NKD1: variants seen among roughly 807,000 people sequenced by gnomAD.
NKD1 encodes the protein NKD inhibitor of Wnt signaling pathway 1.
Under a neutral mutation model 56.0 loss-of-function variants are expected in NKD1, and 21 were observed. The ratio of observed to expected loss-of-function variants is 0.38; its 90% CI spans 0.27 to 0.54. The LOEUF is 0.54. NKD1 is among the 20% of genes least tolerant of loss of function. The pLI is 0.82. For synonymous variants in NKD1, 263 were observed against 265.7 expected (o/e 0.99, Z 0.10); for missense variants, 578 against 642.7 (o/e 0.90, Z 1.09).
In NKD1 at chr16:50,635,851, A is replaced by G. The variant is rs1836535254; in HGVS notation, c.*2070A>G. 2 of 152,224 alleles carry G rather than the reference A, an allele frequency of 1.3e-5. No homozygotes were observed. Among genetic ancestry groups the G allele is most frequent in the Non-Finnish European group, 2.9e-5 (2 of 68,054 alleles). The allele number at this position is 152,224 out of a possible 1,614,324, so 9.4% of individuals were successfully genotyped here. ...TTCTGTTCAGTGAGAACGCAACTCA[A>G]TCCAAAGTGAATGAAACCAAGTTGG... On this transcript the variant is annotated 3_prime_UTR_variant, in exon 10 of 10. Coordinates refer to ENST00000268459, the MANE Select transcript of NKD1 (RefSeq NM_033119.5). The surrounding 1 kb of genome is among the most constrained non-coding windows in gnomAD (Gnocchi z 4.1).
chr16:50,624,267 C>G (rs945336222), intron 5 of NKD1, among the ~76,000 whole-genome samples: 5 of 152,148 alleles, frequency 3.3e-5, no homozygotes, highest in African/African-American at 1.2e-4. Flanking sequence ...CAGCATGCTT[C>G]CTAGAACTGT....
At chr16:50,613,881 C>T (rs1961904693) in intron 4 of NKD1, among the ~76,000 whole-genome samples, 1 of 152,168 alleles carries the variant, frequency 6.6e-6, no homozygotes, top group African/African-American at 2.4e-5. Flanking sequence ...GTTCAGATGT[C>T]AAAGCCGAGT....
At chr16:50,607,785 G>C (rs140117663) in intron 3 of NKD1, 1 of 157,138 alleles carries the variant, frequency 6.4e-6, no homozygotes, top group Non-Finnish European at 1.4e-5. Context: ...AAGACAGTTT[G>C]ACAAGGTATG....
chr16:50,585,849 CTGTG>C (rs1017100955), intron 3 of NKD1, among the ~76,000 whole-genome samples: 1 of 152,158 alleles, frequency 6.6e-6, no homozygotes, highest in Non-Finnish European at 1.5e-5. Context: ...GTGCTGATCA[CTGTG>C]TGTTTGTCAT....
chr16:50,574,007 C>A, intron 3 of NKD1: 1 of 953,256 alleles, frequency 1.0e-6, no homozygotes, highest in Non-Finnish European at 1.2e-6. Flanking sequence ...TCTATATATA[C>A]ATAGAAATTT....
chr16:50,559,507 CT>C (rs1175323314), intron 3 of NKD1, among the ~76,000 whole-genome samples: 3 of 152,062 alleles, frequency 2.0e-5, no homozygotes, highest in African/African-American at 4.8e-5. Context: ...CAGCCTCCTT[CT>C]CGGTGTCTGA....
chr16:50,558,581 G>A (rs903395160), intron 3 of NKD1: 1 of 152,322 alleles, frequency 6.6e-6, no homozygotes, highest in Non-Finnish European at 1.5e-5. Context: ...AATGTGGGAG[G>A]CACAGGAAGG....
intron 3 of NKD1, chr16:50,607,352 T>C (rs184070154): frequency 3.2e-4 from 55 of 172,512 alleles, no homozygotes; most frequent in African/African-American, 9.3e-4. Context: ...TGTAGAATTT[T>C]TTTTCCCCTA....
chr16:50,612,408 A>T (rs1961866197), intron 4 of NKD1, among the ~76,000 whole-genome samples: 1 of 152,222 alleles, frequency 6.6e-6, no homozygotes, highest in Non-Finnish European at 1.5e-5. Context: ...ACTCCTCACC[A>T]TTCAGTATGT....
chr16:50,632,888 T>C lies in NKD1; in HGVS notation c.824-304T>C, dbSNP rs1342287447. Among the ~76,000 whole-genome samples the C allele has an allele frequency of 6.6e-6, 1 of 152,268 alleles. No homozygotes were observed. Among genetic ancestry groups the C allele is most frequent in the Non-Finnish European group, 1.5e-5 (1 of 68,044 alleles). On this transcript the variant is annotated intron_variant, in intron 9 of 9. Coordinates refer to ENST00000268459, the MANE Select transcript of NKD1 (RefSeq NM_033119.5). The surrounding 1 kb of genome is among the most constrained non-coding windows in gnomAD (Gnocchi z 4.1). ...TTACTTCTGTATGTTTTTAGCAATATACTTAGAGTTCTTTCTTGCCCCAGT... is the reference window on the plus strand; with the variant it reads ...TTACTTCTGTATGTTTTTAGCAATACACTTAGAGTTCTTTCTTGCCCCAGT...
At position 50,645,720 on chromosome 16, in the gene NKD1, T is replaced by G. The variant is rs913901190; in HGVS notation, c.*11939T>G. The G allele has an allele frequency of 6.6e-6, 1 of 152,076 alleles. No individual in the cohort carries two copies. The highest frequency in any genetic ancestry group is 1.5e-5 in the Non-Finnish European group (1 of 68,048). The allele number at this position is 152,076 out of a possible 1,614,324, so 9.4% of individuals were successfully genotyped here. A position where few individuals can be genotyped will look rare whatever the true frequency, so the allele number is the denominator to read the frequency against. ...ACGTTGTTTATGACGTTCTTACCCA[T>G]GAAAGCGCTCAAGGATCCGCTTGCT... On this transcript the variant is annotated 3_prime_UTR_variant, in exon 10 of 10. Coordinates refer to ENST00000268459, the MANE Select transcript of NKD1 (RefSeq NM_033119.5).
chr16:50,625,542 C>T lies in NKD1; in HGVS notation c.424C>T (p.Leu142=), dbSNP rs1265320821. The T allele has an allele frequency of 2.5e-6, 4 of 1,613,798 alleles. No individual in the cohort carries two copies. The highest frequency in any genetic ancestry group is 1.3e-5 in the African/African-American group (1 of 74,952). Residue 142 remains leucine, a synonymous_variant, in exon 6 of 10, where the codon CTG becomes TTG. Coordinates refer to ENST00000268459, the MANE Select transcript of NKD1 (RefSeq NM_033119.5). ...EDSRQEWTFT[L]YDFDNNGKVT... ...CAGCCGGCAGGAGTGGACCTTCACC[C>T]TGTATGACTTTGACAACAACGGCAA...
At chr16:50,569,031 T>C (rs1960825524) in intron 3 of NKD1, among the ~76,000 whole-genome samples, 1 of 152,192 alleles carries the variant, frequency 6.6e-6, no homozygotes, top group South Asian at 2.1e-4. Context: ...ATTTAGAATG[T>C]GAGGGAGAGT....
Position 50,598,940 on chromosome 16 carries a change from TGTG to T in NKD1, c.193-9349_193-9347del, listed in dbSNP as rs936603325. On this transcript the variant is annotated intron_variant, in intron 3 of 9. Coordinates refer to ENST00000268459, the MANE Select transcript of NKD1 (RefSeq NM_033119.5). This position sits in a 1 kb window ranked among gnomAD's most constrained non-coding sequence, Gnocchi z 4.2. ...GGCAGTGGTGGGGCAGGATCAGTGG[TGTG>T]GTGGGGTCAGTGGTGTGGTGGGCAG... is the stretch of plus-strand genomic sequence containing the variant. Among the ~76,000 whole-genome samples, 16 of 149,822 alleles carry T rather than the reference TGTG, an allele frequency of 1.1e-4. 1 individual carries two copies. The highest frequency in any genetic ancestry group is 6.6e-5 in the Admixed American group (1 of 15,114).
chr16:50,630,633 G>A (rs912409725), intron 7 of NKD1, among the ~76,000 whole-genome samples, 193 bp from the exon 8 acceptor site: 12 of 152,126 alleles, frequency 7.9e-5, no homozygotes, highest in Non-Finnish European at 7.4e-5. Flanking sequence ...GCTGGAGGGG[G>A]AGTCTGGGGG....
intron 4 of NKD1, among the ~76,000 whole-genome samples, chr16:50,619,210 C>T (rs761955042): frequency 6.6e-6 from 1 of 151,920 alleles, no homozygotes; most frequent in Non-Finnish European, 1.5e-5. Context: ...TCTTCTTTCC[C>T]TCTGCTTGGG....
At chr16:50,584,339 C>T (rs1398107251) in intron 3 of NKD1, among the ~76,000 whole-genome samples, 3 of 152,182 alleles carry the variant, frequency 2.0e-5, no homozygotes, top group Non-Finnish European at 4.4e-5. Context: ...GAGCAAGTCA[C>T]GTGGCTAAGC....
In NKD1 at chr16:50,648,030, C is replaced by T. The variant is rs143789877; in HGVS notation, c.*14249C>T. The T allele has an allele frequency of 5.3e-5, 8 of 152,356 alleles. No homozygotes were observed. The East Asian group carries it at 1.5e-3, about 29-fold the overall frequency. 9.4% of individuals were successfully genotyped at this position (152,356 alleles called of 1,614,324 possible). On this transcript the variant is annotated 3_prime_UTR_variant, in exon 10 of 10. Transcript: ENST00000268459. The stretch of plus-strand genomic sequence containing the variant: ...CACAGAGGCTCAGCGTCCACCTCTA[C>T]CTGACACCCTGCCAGCAACCTGGGT...
chr16:50,562,978 C>CCGT (rs1960667951), intron 3 of NKD1, among the ~76,000 whole-genome samples: 1 of 124,906 alleles, frequency 8.0e-6, no homozygotes, highest in African/African-American at 3.8e-5. Context: ...CTGCTAGGTC[C>CCGT]CACCACCACC....
Sources: gnomAD v4.1 joint callset for allele counts (sites outside exome capture counted in the v4.1 genomes callset) on GRCh38, gnomAD v4.1.1 for gene constraint, Gnocchi (gnomAD v3.1) non-coding constraint, MANE v1.5 for transcripts, NCBI Gene and HGNC (gene_info 2026-07-23, HGNC 2026-07-21) for gene names.